Variants in NRG2 observed in about 807,000 individuals in gnomAD.
NRG2 encodes the protein pro-neuregulin-2, membrane-bound isoform.
NRG2 carries 27 observed loss-of-function variants against 73.9 expected under a neutral mutation model. That is an observed-to-expected ratio of 0.37 (90% CI 0.27 to 0.50). The LOEUF (loss-of-function observed/expected upper bound fraction) is 0.50. Ranked by LOEUF, NRG2 falls within the 20% of genes least tolerant of loss-of-function variation. The probability of loss-of-function intolerance (pLI) is 0.96; values close to 1 mark genes in which losing one functional copy is unlikely to be tolerated. For missense variants in NRG2, 1,126 were observed against 1,210.1 expected (o/e 0.93, Z 1.03); for synonymous variants, 532 against 541.0 (o/e 0.98, Z 0.23).
At chr5:140,031,196 G>A (rs1414854195) in intron 1 of NRG2, among the ~76,000 whole-genome samples, 1 of 152,198 alleles carries the variant, frequency 6.6e-6, no homozygotes, top group Admixed American at 6.5e-5. Flanking sequence ...CTGAAGAACG[G>A]ATGTTACATT....
chr5:139,934,822 A>G (rs565754920), intron 1 of NRG2, among the ~76,000 whole-genome samples: 4 of 152,360 alleles, frequency 2.6e-5, no homozygotes, highest in African/African-American at 9.6e-5. Context: ...CTTACCAGGG[A>G]TAAGGTGGGT....
chr5:139,997,048 G>C lies in NRG2; in HGVS notation c.700+45322C>G, dbSNP rs555856702. ...TCCCAGCTACTCAGGAGGCTGAGGT[G>C]GGGGGATCACCTGAGCTTGGGAGGT... On this transcript the variant is annotated intron_variant, in intron 1 of 9. Transcript: ENST00000361474. Among the ~76,000 whole-genome samples, 5 of 152,218 alleles carry C rather than the reference G, an allele frequency of 3.3e-5. No homozygotes were observed. In the East Asian group the frequency reaches 7.7e-4, roughly 24 times the overall value.
In NRG2 at chr5:139,852,395, GAGTCTACA is replaced by G. The variant is rs1200675983; in HGVS notation, c.1544+29_1544+36del. 6 of 1,603,598 alleles carry G rather than the reference GAGTCTACA, an allele frequency of 3.7e-6. No individual in the cohort carries two copies. The highest frequency in any genetic ancestry group is 5.1e-6 in the Non-Finnish European group (6 of 1,175,478). On this transcript the variant is annotated intron_variant, in intron 8 of 9. Transcript: ENST00000361474. The surrounding 1 kb of genome is among the most constrained non-coding windows in gnomAD (Gnocchi z 4.4). The stretch of plus-strand genomic sequence containing the variant: ...GCACTTTGCGCCAGATGAAGTATGT[GAGTCTACA>G]AGTTTCCATGGGCCTTGGTGGTGCC...
chr5:139,981,531 A>G (rs1425687477), intron 1 of NRG2, among the ~76,000 whole-genome samples: 1 of 152,214 alleles, frequency 6.6e-6, no homozygotes, highest in Non-Finnish European at 1.5e-5. Context: ...AAGCTAATCC[A>G]GAGAGAGTCC....
At chr5:139,970,121 A>G (rs1427864085) in intron 1 of NRG2, among the ~76,000 whole-genome samples, 2 of 152,190 alleles carry the variant, frequency 1.3e-5, no homozygotes, top group Non-Finnish European at 1.5e-5. Context: ...AATTCATGCC[A>G]CAGGATAATG....
At chr5:139,896,295 A>G (rs1172194585) in intron 1 of NRG2, among the ~76,000 whole-genome samples, 1 of 152,242 alleles carries the variant, frequency 6.6e-6, no homozygotes, top group Non-Finnish European at 1.5e-5. Context: ...AAATAAAAGT[A>G]TAAGGTTTTG....
rs550078444 is a variant in NRG2 at position 139,982,222 on chromosome 5, T to G, written c.700+60148A>C. Among the ~76,000 whole-genome samples, 10 of 152,182 alleles carry G rather than the reference T, an allele frequency of 6.6e-5. No individual in the cohort carries two copies. In the East Asian group the frequency reaches 1.9e-3, roughly 29 times the overall value. ...AGAATTCAAAGCAATCTACAATCTGTCTTCCTCCCCCGATCTGCTCCTGCA... is the reference window on the plus strand; with the variant it reads ...AGAATTCAAAGCAATCTACAATCTGGCTTCCTCCCCCGATCTGCTCCTGCA... On this transcript the variant is annotated intron_variant, in intron 1 of 9. Transcript: ENST00000361474.
At chr5:139,862,933 A>G (rs1310437132) in intron 5 of NRG2, among the ~76,000 whole-genome samples, 1 of 152,216 alleles carries the variant, frequency 6.6e-6, no homozygotes, top group Non-Finnish European at 1.5e-5. Flanking sequence ...ATCTCTGCAA[A>G]AGATAACCTG....
chr5:139,948,371 G>C (rs1466455050), intron 1 of NRG2, among the ~76,000 whole-genome samples: 1 of 152,082 alleles, frequency 6.6e-6, no homozygotes, highest in African/African-American at 2.4e-5. Context: ...GTTCAGCTCT[G>C]GACTTCCCGA....
intron 1 of NRG2, among the ~76,000 whole-genome samples, chr5:139,890,815 C>T (rs1020902758): frequency 2.0e-5 from 3 of 152,132 alleles, no homozygotes; most frequent in African/African-American, 7.2e-5. Context: ...ATGTAACATA[C>T]ATTCAGGAAA....
Position 139,887,324 on chromosome 5 carries a change from G to T in NRG2, c.872+16C>A, listed in dbSNP as rs200353064. 1.2e-6 allele frequency: 2 copies of T among 1,613,530 alleles called. No individual in the cohort carries two copies. The highest frequency in any genetic ancestry group is 1.7e-6 in the Non-Finnish European group (2 of 1,179,494). ...GGGCAGCTGCTTGGATGGAGGACAG[G>T]CTGGATATTGCTTACCTGCCGTTGC... On this transcript the variant is annotated intron_variant, in intron 2 of 9. Coordinates refer to ENST00000361474, the MANE Select transcript of NRG2 (RefSeq NM_004883.3). The surrounding 1 kb of genome is among the most constrained non-coding windows in gnomAD (Gnocchi z 4.5).
At chr5:139,913,237 T>TA (rs1286131848) in intron 1 of NRG2, among the ~76,000 whole-genome samples, 1 of 152,174 alleles carries the variant, frequency 6.6e-6, no homozygotes, top group Non-Finnish European at 1.5e-5. Context: ...ATGTTGACCT[T>TA]AATGGCCTTG....
At chr5:139,871,603 AC>A (rs1762853099) in intron 4 of NRG2, 117 bp downstream of exon 4, 11 of 1,339,846 alleles carry the variant, frequency 8.2e-6, no homozygotes, top group Non-Finnish European at 1.1e-5. Context: ...TCCTGTCTAC[AC>A]CCCTTGGGGA....
At position 140,035,822 on chromosome 5, in the gene NRG2, A is replaced by G. The variant is rs192760865; in HGVS notation, c.700+6548T>C. The stretch of plus-strand genomic sequence containing the variant: ...AAGGTGTAAGGGAGCCAGTGTCCTC[A>G]GCACAGGGCAGGAAACTGTGAATGA... On this transcript the variant is annotated intron_variant, in intron 1 of 9. Coordinates refer to ENST00000361474, the MANE Select transcript of NRG2 (RefSeq NM_004883.3). 2.0e-5 allele frequency among the ~76,000 whole-genome samples: 3 copies of G among 152,298 alleles called. No homozygotes were observed. The East Asian group carries it at 5.8e-4, about 29-fold the overall frequency.
chr5:140,019,998 C>T (rs1230203358), intron 1 of NRG2, among the ~76,000 whole-genome samples: 1 of 152,190 alleles, frequency 6.6e-6, no homozygotes, highest in Admixed American at 6.5e-5. Flanking sequence ...AGATGTCCAT[C>T]CGCCTCAGCC....
chr5:139,994,315 A>G (rs570970779), intron 1 of NRG2, among the ~76,000 whole-genome samples: 1 of 152,212 alleles, frequency 6.6e-6, no homozygotes, highest in Non-Finnish European at 1.5e-5. Context: ...GCAAACTCTT[A>G]TTTGAGAACA....
At position 139,954,598 on chromosome 5, in the gene NRG2, G is replaced by A. The variant is rs1239324397; in HGVS notation, c.701-67087C>T. Among the ~76,000 whole-genome samples the A allele has an allele frequency of 3.9e-5, 6 of 152,172 alleles. No individual in the cohort carries two copies. Among genetic ancestry groups the A allele is most frequent in the East Asian group, 3.9e-4 (2 of 5,192 alleles). ...TCTCTGTGATTTAGCAACCCTGGAC[G>A]TCATCAATCCTCACTCCCATGGCTC... is the stretch of plus-strand genomic sequence containing the variant. On this transcript the variant is annotated intron_variant, in intron 1 of 9. Transcript: ENST00000361474. This position sits in a 1 kb window ranked among gnomAD's most constrained non-coding sequence, Gnocchi z 5.0.
intron 1 of NRG2, among the ~76,000 whole-genome samples, chr5:139,929,052 G>A (rs1752269447): frequency 6.6e-6 from 1 of 152,086 alleles, no homozygotes; most frequent in Non-Finnish European, 1.5e-5. Context: ...TGCTCTATTA[G>A]TCTTCCCCCA....
intron 1 of NRG2, among the ~76,000 whole-genome samples, chr5:140,026,643 A>G (rs935857895): frequency 6.6e-6 from 1 of 152,194 alleles, no homozygotes; most frequent in African/African-American, 2.4e-5. Flanking sequence ...GAAAAGAAAG[A>G]AAGAAAATAA....
Sources: allele counts gnomAD v4.1 joint callset (sites outside exome capture counted in the v4.1 genomes callset), GRCh38; gene constraint gnomAD v4.1.1; non-coding constraint Gnocchi (gnomAD v3.1); transcripts MANE v1.5; gene names NCBI Gene and HGNC (gene_info 2026-07-23, HGNC 2026-07-21).